The following P3H2 variants were observed in gnomAD, a reference collection of about 807,000 sequenced individuals.
P3H2 encodes the protein leprecan-like 1.
In P3H2, 80 loss-of-function variants were observed where a neutral mutation model predicts 87.0. The ratio of observed to expected loss-of-function variants is 0.92; its 90% CI spans 0.77 to 1.11. The LOEUF (loss-of-function observed/expected upper bound fraction) is 1.11, where lower values mean the gene tolerates loss of function less well. Among genes scored for constraint, P3H2 ranks in the 50% least tolerant of loss-of-function variants. The pLI, the probability that P3H2 is intolerant of heterozygous loss-of-function variation, is 0.00. For synonymous variants in P3H2, 367 were observed against 359.3 expected (o/e 1.02, Z -0.24); for missense variants, 1,001 against 923.9 (o/e 1.08, Z -1.08).
At chr3:190,038,904 CT>C (rs1657901954) in intron 1 of P3H2, among the ~76,000 whole-genome samples, 1 of 152,088 alleles carries the variant, frequency 6.6e-6, no homozygotes, top group African/African-American at 2.4e-5. Flanking sequence ...GAATTGAGGA[CT>C]GTGGCCAGGT....
Position 190,120,873 on chromosome 3 carries a change from G to T in P3H2, c.-142C>A, listed in dbSNP as rs1577335151. ...GCCGCTCCGCGAGCCCCAGGTGACC[G>T]CCGGCGCTCCGCGTACTGAGAGGCG... On this transcript the variant is annotated 5_prime_UTR_variant, in exon 1 of 15. Transcript: ENST00000319332. The T allele has an allele frequency of 2.3e-6, 3 of 1,328,618 alleles. No homozygotes were observed. Among genetic ancestry groups the T allele is most frequent in the Non-Finnish European group, 2.9e-6 (3 of 1,017,972 alleles). 82.3% of individuals were successfully genotyped at this position (1,328,618 alleles called of 1,614,324 possible).
At position 189,964,049 on chromosome 3, in the gene P3H2, C is replaced by A. The variant is rs1387026412; in HGVS notation, c.1943G>T (p.Gly648Val). The change falls in exon 14 of 15, where the codon GGA becomes GTA. Residue 648 changes from glycine to valine, a missense_variant. By Grantham distance (109) the Gly-to-Val change is moderately radical. Coordinates refer to ENST00000319332, the MANE Select transcript of P3H2 (RefSeq NM_018192.4). ...CGRMISFSSG[G>V]ENPHGVKAVT... is the part of the protein sequence containing the mutation. ...TGCCTTCACCCCATGAGGGTTCTCT[C>A]CTCCAGATGAGAAGCTGATCATGCG... 5 of 1,614,040 alleles carry A rather than the reference C, an allele frequency of 3.1e-6. No homozygotes were observed. The highest frequency in any genetic ancestry group is 4.2e-6 in the Non-Finnish European group (5 of 1,180,002).
At chr3:189,996,977 A>G (rs1577262408) in intron 1 of P3H2, among the ~76,000 whole-genome samples, 1 of 152,336 alleles carries the variant, frequency 6.6e-6, no homozygotes, top group Non-Finnish European at 1.5e-5. Context: ...TGTAACAAGC[A>G]ATGATATATT....
At chr3:190,046,381 C>A (rs1484645258) in intron 1 of P3H2, among the ~76,000 whole-genome samples, 1 of 152,062 alleles carries the variant, frequency 6.6e-6, no homozygotes, top group Non-Finnish European at 1.5e-5. Flanking sequence ...TTTCTGTGAC[C>A]CATACAATAT....
intron 1 of P3H2, among the ~76,000 whole-genome samples, chr3:190,003,035 G>T (rs923471556): frequency 6.6e-6 from 1 of 152,188 alleles, no homozygotes; most frequent in Non-Finnish European, 1.5e-5. Flanking sequence ...ACAGTCATAG[G>T]TATAAGTAAC....
intron 1 of P3H2, among the ~76,000 whole-genome samples, chr3:190,052,495 A>C (rs1011912887): frequency 2.0e-5 from 3 of 152,214 alleles, no homozygotes; most frequent in Admixed American, 2.0e-4. Context: ...ACTATACTAC[A>C]GAGTAATAGT....
In P3H2 at chr3:190,019,584, T is replaced by C. The variant is rs1337228126; in HGVS notation, c.481-24142A>G. Among the ~76,000 whole-genome samples the C allele has an allele frequency of 2.6e-5, 2 of 78,172 alleles. 1 individual carries two copies. Among genetic ancestry groups the C allele is most frequent in the Non-Finnish European group, 6.3e-5 (2 of 31,620 alleles). The allele number at this position is 78,172 out of a possible 152,430, so 51.3% of individuals were successfully genotyped here. ...ATTATCGTTTCTATTACCATTAATT[T>C]TGCACATTTTAATAGTAAGAAGACA... On this transcript the variant is annotated intron_variant, in intron 1 of 14. Transcript: ENST00000319332.
Position 189,964,036 on chromosome 3 carries a change from A to T in P3H2, c.1956T>A (p.His652Gln). ...TTCCCTTGGTGACTGCCTTCACCCC[A>T]TGAGGGTTCTCTCCTCCAGATGAGA... Reference protein sequence around the residue: ...ISFSSGGENPHGVKAVTKGKR... With the variant: ...ISFSSGGENPQGVKAVTKGKR... Residue 652 changes from histidine to glutamine, a missense_variant, in exon 14 of 15, where the codon CAT becomes CAA. His to Gln is a conservative substitution (Grantham distance 24). Transcript: ENST00000319332. 2 of 1,614,170 alleles carry T rather than the reference A, an allele frequency of 1.2e-6. No homozygotes were observed. The highest frequency in any genetic ancestry group is 1.7e-6 in the Non-Finnish European group (2 of 1,179,982).
chr3:190,067,334 C>A (rs1726544847), intron 1 of P3H2, among the ~76,000 whole-genome samples: 1 of 152,116 alleles, frequency 6.6e-6, no homozygotes, highest in Non-Finnish European at 1.5e-5. Flanking sequence ...AATTATCAAG[C>A]AGTCTTCATG....
At chr3:189,984,416 C>A in intron 7 of P3H2, 134 bp downstream of exon 7, 1 of 700,124 alleles carries the variant, frequency 1.4e-6, no homozygotes, top group Admixed American at 2.1e-5. Flanking sequence ...GGATGTAGAG[C>A]TCCTAATTCA....
At chr3:190,097,052 A>G (rs540317700) in intron 1 of P3H2, among the ~76,000 whole-genome samples, 1 of 152,292 alleles carries the variant, frequency 6.6e-6, no homozygotes, top group Non-Finnish European at 1.5e-5. Context: ...GCCACACTTG[A>G]GAATGGACAA....
chr3:190,103,238 C>T (rs1251424732), intron 1 of P3H2, among the ~76,000 whole-genome samples: 1 of 152,158 alleles, frequency 6.6e-6, no homozygotes, highest in African/African-American at 2.4e-5. Context: ...CCTAGGAGAA[C>T]TGACAATTCA....
chr3:190,004,940 C>G (rs1046646198), intron 1 of P3H2, among the ~76,000 whole-genome samples: 3 of 152,224 alleles, frequency 2.0e-5, no homozygotes, highest in Admixed American at 2.0e-4. Flanking sequence ...TCTCTACAAC[C>G]AATAGCAGCC....
At position 189,957,778 on chromosome 3, in the gene P3H2, C is replaced by G; in HGVS notation, c.*134G>C. On this transcript the variant is annotated 3_prime_UTR_variant, in exon 15 of 15. Coordinates refer to ENST00000319332, the MANE Select transcript of P3H2 (RefSeq NM_018192.4). ...TGATAGATTGAGGCAACACAAGCATCCTTAGGAAGAGAAGGAAGATCTGAT... is the reference window on the plus strand; with the variant it reads ...TGATAGATTGAGGCAACACAAGCATGCTTAGGAAGAGAAGGAAGATCTGAT... 1.5e-6 allele frequency: 1 copy of G among 687,178 alleles called. No individual in the cohort carries two copies. Among genetic ancestry groups the G allele is most frequent in the Non-Finnish European group, 2.6e-6 (1 of 388,156 alleles). The allele number at this position is 687,178 out of a possible 1,614,324, so 42.6% of individuals were successfully genotyped here. A position where few individuals can be genotyped will look rare whatever the true frequency, so the allele number is the denominator to read the frequency against.
At chr3:189,995,712 AG>A (rs1724034871) in intron 1 of P3H2, among the ~76,000 whole-genome samples, 1 of 152,136 alleles carries the variant, frequency 6.6e-6, no homozygotes, top group Non-Finnish European at 1.5e-5. Flanking sequence ...CATATCCAAA[AG>A]GGGTTAATAT....
At chr3:190,000,496 T>C (rs1724176428) in intron 1 of P3H2, among the ~76,000 whole-genome samples, 1 of 152,220 alleles carries the variant, frequency 6.6e-6, no homozygotes, top group South Asian at 2.1e-4. Flanking sequence ...TAATTTCAGA[T>C]TGTATTAAGT....
At chr3:189,971,808 G>T in intron 12 of P3H2, 82 bp downstream of exon 12, 1 of 866,426 alleles carries the variant, frequency 1.2e-6, no homozygotes, top group Non-Finnish European at 2.0e-6. Context: ...ACGACGTCAA[G>T]CAAAACAGAG....
At chr3:189,981,746 A>G (rs779737313) in intron 8 of P3H2, among the ~76,000 whole-genome samples, 33 of 152,184 alleles carry the variant, frequency 2.2e-4, no homozygotes, top group Non-Finnish European at 4.0e-4. Flanking sequence ...GAGTTTCCCA[A>G]ACATTTACAG....
At chr3:189,989,948 G>A (rs1233616533) in intron 3 of P3H2, among the ~76,000 whole-genome samples, 1 of 152,192 alleles carries the variant, frequency 6.6e-6, no homozygotes, top group East Asian at 1.9e-4. Flanking sequence ...CAATGAAGAT[G>A]GATGTATTTT....
Sources: gnomAD v4.1 joint callset for allele counts (sites outside exome capture counted in the v4.1 genomes callset) on GRCh38, gnomAD v4.1.1 for gene constraint, MANE v1.5 for transcripts, NCBI Gene and HGNC (gene_info 2026-07-23, HGNC 2026-07-21) for gene names.